Variants in SORCS1 observed in about 807,000 individuals in gnomAD.
SORCS1 encodes the protein sortilin related VPS10 domain containing receptor 1.
A neutral mutation model predicts 146.1 loss-of-function variants in SORCS1; 60 were observed. That is an observed-to-expected ratio of 0.41 (90% confidence interval 0.33 to 0.51). The LOEUF (loss-of-function observed/expected upper bound fraction) is 0.51. Ranked by LOEUF, SORCS1 falls within the 20% of genes least tolerant of loss-of-function variation. The pLI, the probability that SORCS1 is intolerant of heterozygous loss-of-function variation, is 0.21. For synonymous variants in SORCS1, 637 were observed against 584.0 expected, an observed-to-expected ratio of 1.09 and a Z score of -1.31; for missense variants, 1,352 against 1,487.6, an observed-to-expected ratio of 0.91 and a Z score of 1.50.
At chr10:106,988,082 T>C (rs1276244745) in intron 1 of SORCS1, among the ~76,000 whole-genome samples, 1 of 152,206 alleles carries the variant, frequency 6.6e-6, no homozygotes, top group African/African-American at 2.4e-5. Context: ...GCCATTTCTT[T>C]CCATGCCCTG....
intron 3 of SORCS1, among the ~76,000 whole-genome samples, chr10:106,810,064 T>C (rs2136768829): frequency 6.6e-6 from 1 of 152,138 alleles, no homozygotes; most frequent in East Asian, 1.9e-4. Context: ...CTACTACAAA[T>C]ACAAAAATTA....
At chr10:107,036,413 T>C (rs60400312) in intron 1 of SORCS1, among the ~76,000 whole-genome samples, 4,661 of 152,210 alleles carry the variant, frequency 0.031, 239 homozygotes, top group African/African-American at 0.1. Context: ...TGAGGGACAA[T>C]TGCATTCGTG....
intron 12 of SORCS1, among the ~76,000 whole-genome samples, chr10:106,678,311 C>G (rs1852186822): frequency 6.6e-6 from 1 of 152,190 alleles, no homozygotes; most frequent in Non-Finnish European, 1.5e-5. Context: ...GTCCAGGTTT[C>G]TACATACCTC....
intron 1 of SORCS1, among the ~76,000 whole-genome samples, chr10:106,995,468 C>A (rs985249491): frequency 2.6e-5 from 4 of 151,986 alleles, no homozygotes; most frequent in African/African-American, 9.7e-5. Flanking sequence ...TTCTGCTATG[C>A]TCTGGCATGG....
intron 3 of SORCS1, among the ~76,000 whole-genome samples, chr10:106,790,944 C>CA (rs891210725): frequency 3.3e-5 from 5 of 152,256 alleles, no homozygotes; most frequent in Admixed American, 6.5e-5. Context: ...AAAATGTCCC[C>CA]AAAAACGTAC....
intron 1 of SORCS1, among the ~76,000 whole-genome samples, chr10:107,071,771 C>T (rs971412583): frequency 6.6e-6 from 1 of 152,126 alleles, no homozygotes; most frequent in African/African-American, 2.4e-5. Flanking sequence ...CTTACTTAAA[C>T]AGAGAGAATT....
intron 23 of SORCS1, among the ~76,000 whole-genome samples, chr10:106,600,065 C>T (rs1846149019): frequency 6.6e-6 from 1 of 152,170 alleles, no homozygotes; most frequent in Non-Finnish European, 1.5e-5. Context: ...GCTGGAATTA[C>T]AGGTGTGAGC....
At chr10:107,025,084 A>G (rs978072697) in intron 1 of SORCS1, among the ~76,000 whole-genome samples, 3 of 152,200 alleles carry the variant, frequency 2.0e-5, no homozygotes, top group Non-Finnish European at 4.4e-5. Context: ...ATTATGTCCA[A>G]TGACTTCTGT....
chr10:106,830,578 C>CTT (rs769894046), intron 2 of SORCS1, among the ~76,000 whole-genome samples: 6 of 135,610 alleles, frequency 4.4e-5, no homozygotes, highest in South Asian at 4.8e-4. Context: ...TTTTTTTTTC[C>CTT]TTTTTTTTTT....
At chr10:106,768,734 C>G (rs1385645008) in intron 4 of SORCS1, among the ~76,000 whole-genome samples, 1 of 152,222 alleles carries the variant, frequency 6.6e-6, no homozygotes, top group Non-Finnish European at 1.5e-5. Context: ...AGGGATAAGA[C>G]AGCCTCTGCC....
chr10:106,662,193 A>G (rs1850781485), intron 17 of SORCS1, among the ~76,000 whole-genome samples: 1 of 152,266 alleles, frequency 6.6e-6, no homozygotes, highest in East Asian at 1.9e-4. Flanking sequence ...ATTGGGCACA[A>G]TAATAACCGA....
chr10:106,829,767 C>A, intron 2 of SORCS1, 94 bp from the exon 3 acceptor site: 1 of 832,212 alleles, frequency 1.2e-6, no homozygotes, highest in Non-Finnish European at 1.9e-6. Context: ...GAATGGCTCT[C>A]AGGAGGTTTC....
chr10:107,059,849 T>C (rs566640033), intron 1 of SORCS1, among the ~76,000 whole-genome samples: 12 of 149,542 alleles, frequency 8.0e-5, no homozygotes, highest in Non-Finnish European at 1.6e-4. Context: ...CTTTATTTTA[T>C]GCTTTTGGAT....
rs148323560 is a variant in SORCS1 at position 106,852,614 on chromosome 10, C to T, written c.627-22941G>A. Among the ~76,000 whole-genome samples the T allele has an allele frequency of 6.1e-3, 738 of 121,878 alleles. 4 individuals are homozygous for T. The highest frequency in any genetic ancestry group is 0.021 in the African/African-American group (670 of 31,694). The allele number at this position is 121,878 out of a possible 152,430, so 80.0% of individuals were successfully genotyped here. On this transcript the variant is annotated intron_variant, in intron 2 of 25. Transcript: ENST00000263054. ...CTGCACTCCAGCCTGGGTGACAGAGCGAGACCCTGTCTCAAAAAAAAAAAA... is the reference window on the plus strand; with the variant it reads ...CTGCACTCCAGCCTGGGTGACAGAGTGAGACCCTGTCTCAAAAAAAAAAAA...
Position 107,164,174 on chromosome 10 carries a change from G to A in SORCS1, c.353C>T (p.Ala118Val). ...RRRSGADQEK[A>V]ERGEGASRSP... ...CCGACTCGCGCCCTCTCCCCGTTCT[G>A]CCTTCTCCTGATCCGCTCCGCTCCG... Residue 118 changes from alanine (A) to valine (V), a missense_variant, in exon 1 of 26, where the codon GCA (alanine) becomes GTA (valine). Around this residue, in one of 3 missense-constraint regions of SORCS1, gnomAD observed 490 missense variants for 489.1 expected, o/e 1.00. Transcript: ENST00000263054. The surrounding 1 kb of genome is among the most constrained non-coding windows in gnomAD (Gnocchi z 6.8). 1 of 1,612,374 alleles carries A rather than the reference G, an allele frequency of 6.2e-7. No individual in the cohort carries two copies. Among genetic ancestry groups the A allele is most frequent in the Non-Finnish European group, 8.5e-7 (1 of 1,180,002 alleles).
intron 2 of SORCS1, among the ~76,000 whole-genome samples, chr10:106,872,618 G>A (rs1299340476): frequency 1.3e-5 from 2 of 152,082 alleles, no homozygotes; most frequent in African/African-American, 2.4e-5. Context: ...AAAGTTAAAC[G>A]AGATACTCCC....
At chr10:106,922,038 T>C (rs1189180037) in intron 2 of SORCS1, among the ~76,000 whole-genome samples, 1 of 152,034 alleles carries the variant, frequency 6.6e-6, no homozygotes, top group East Asian at 1.9e-4. Context: ...CATTAAGAAA[T>C]ATAAGAAAGG....
chr10:107,176,892 C>T, the SORCS1 span, among the ~76,000 whole-genome samples: 3 of 151,656 alleles, frequency 2.0e-5, no homozygotes, highest in Non-Finnish European at 4.4e-5. Context: ...TTATGTTGTT[C>T]AAATATTCTA....
chr10:106,639,594 A>G (rs112248507), intron 18 of SORCS1, among the ~76,000 whole-genome samples: 15 of 152,284 alleles, frequency 9.9e-5, no homozygotes, highest in African/African-American at 3.4e-4. Flanking sequence ...TTCCTTCAAC[A>G]ACAAAAAGCA....
Sources: allele counts gnomAD v4.1 joint callset (sites outside exome capture counted in the v4.1 genomes callset), GRCh38; gene constraint gnomAD v4.1.1; regional missense constraint gnomAD v4.1.1; non-coding constraint Gnocchi (gnomAD v3.1); transcripts MANE v1.5; gene names NCBI Gene and HGNC (gene_info 2026-07-23, HGNC 2026-07-21).